The following CAMTA1 variants were observed in gnomAD, a reference collection of about 807,000 sequenced individuals.
CAMTA1 encodes calmodulin binding transcription activator 1, also known as calmodulin-binding transcription activator 1.
In CAMTA1, 27 loss-of-function variants were observed where a neutral mutation model predicts 170.9. That is an observed-to-expected ratio of 0.16 (90% CI 0.12 to 0.22). The LOEUF (loss-of-function observed/expected upper bound fraction) is 0.22, where lower values mean the gene tolerates loss of function less well. Among genes scored for constraint, CAMTA1 ranks in the 10% least tolerant of loss-of-function variants. CAMTA1 has a pLI of 1.00. For missense variants in CAMTA1, 1,619 were observed against 2,217.2 expected (o/e 0.73, Z 5.42); for synonymous variants, 833 against 891.5 (o/e 0.93, Z 1.17).
intron 4 of CAMTA1, among the ~76,000 whole-genome samples, chr1:7,246,403 A>G (rs1327519404): frequency 1.3e-5 from 2 of 152,208 alleles, no homozygotes; most frequent in Non-Finnish European, 2.9e-5. Context: ...ACAGTAAATC[A>G]ACAATAACTG....
chr1:7,731,373 A>G (rs1577254798), intron 11 of CAMTA1, among the ~76,000 whole-genome samples: 1 of 152,038 alleles, frequency 6.6e-6, no homozygotes, highest in African/African-American at 2.4e-5. Flanking sequence ...GGAGTTCAAG[A>G]CCAGCCTGGC....
chr1:6,855,711 T>A (rs1436214891), intron 3 of CAMTA1, among the ~76,000 whole-genome samples: 2 of 152,124 alleles, frequency 1.3e-5, no homozygotes, highest in Non-Finnish European at 2.9e-5. Context: ...TTAATGTGGA[T>A]AATTACTAAT....
chr1:7,668,996 C>T (rs1177412591), intron 9 of CAMTA1, among the ~76,000 whole-genome samples: 2 of 152,184 alleles, frequency 1.3e-5, no homozygotes, highest in African/African-American at 4.8e-5. Flanking sequence ...CAGGCACCCA[C>T]TCCCCCCAAT....
chr1:6,962,037 C>A (rs1347248804), intron 3 of CAMTA1, among the ~76,000 whole-genome samples: 3 of 152,238 alleles, frequency 2.0e-5, no homozygotes, highest in Non-Finnish European at 4.4e-5. Context: ...AGCCTCCGGG[C>A]TGTCCCCAAA....
chr1:7,418,182 G>A (rs1346280862), intron 5 of CAMTA1, among the ~76,000 whole-genome samples: 2 of 151,994 alleles, frequency 1.3e-5, no homozygotes, highest in African/African-American at 4.8e-5. Context: ...TCCTCTTTCT[G>A]CTCTTCAACA....
At chr1:7,354,697 T>C (rs2084963616) in intron 5 of CAMTA1, among the ~76,000 whole-genome samples, 1 of 152,228 alleles carries the variant, frequency 6.6e-6, no homozygotes, top group Non-Finnish European at 1.5e-5. Flanking sequence ...TGTACAAGCA[T>C]TCCCTTTTCT....
intron 6 of CAMTA1, 77 bp downstream of exon 6, chr1:7,467,978 G>A: frequency 8.3e-7 from 1 of 1,202,104 alleles, no homozygotes. Context: ...AGGGCGCGGG[G>A]CTCCGCATGC....
chr1:7,414,199 G>A (rs1248788623), intron 5 of CAMTA1, among the ~76,000 whole-genome samples: 1 of 152,198 alleles, frequency 6.6e-6, no homozygotes, highest in African/African-American at 2.4e-5. Context: ...GTTCATCAAG[G>A]ATATTGGTCT....
intron 22 of CAMTA1, among the ~76,000 whole-genome samples, chr1:7,759,052 G>A (rs1395141110): frequency 3.3e-5 from 5 of 152,108 alleles, no homozygotes; most frequent in Non-Finnish European, 5.9e-5. Context: ...TGGAGGCTGA[G>A]GTGGGAGGAT....
chr1:7,645,507 CGTGTG>C (rs1363871790), intron 7 of CAMTA1, among the ~76,000 whole-genome samples: 1 of 152,260 alleles, frequency 6.6e-6, no homozygotes, highest in Non-Finnish European at 1.5e-5. Context: ...CAGCCCTTCC[CGTGTG>C]GTGATCTTGT....
intron 5 of CAMTA1, among the ~76,000 whole-genome samples, chr1:7,392,910 G>A (rs1362986393): frequency 6.6e-6 from 1 of 151,970 alleles, no homozygotes; most frequent in South Asian, 2.1e-4. Flanking sequence ...TAAGCTGAGT[G>A]TGGTGGTTAG....
intron 6 of CAMTA1, among the ~76,000 whole-genome samples, chr1:7,521,702 C>T (rs886284980): frequency 6.6e-6 from 1 of 152,158 alleles, no homozygotes; most frequent in Non-Finnish European, 1.5e-5. Context: ...GCACACGCCA[C>T]CATGCCCAGC....
At chr1:7,548,036 C>T (rs371638846) in intron 6 of CAMTA1, among the ~76,000 whole-genome samples, 33 of 152,252 alleles carry the variant, frequency 2.2e-4, no homozygotes, top group African/African-American at 5.5e-4. Context: ...ATGCTGGCCC[C>T]GACTTAAGAT....
In CAMTA1 at chr1:7,525,098, A is replaced by C. The variant is rs534463322; in HGVS notation, c.510+57197A>C. Among the ~76,000 whole-genome samples, 13 of 152,298 alleles carry C rather than the reference A, an allele frequency of 8.5e-5. No homozygotes were observed. In the South Asian group the frequency reaches 2.7e-3, roughly 32 times the overall value. On this transcript the variant is annotated intron_variant, in intron 6 of 22. Transcript: ENST00000303635. ...CCCGCGTCGGCCCCCGTCGCGCTGCATGAGACTTGCATCCCCTCTCCAGGG... is the reference window on the plus strand; with the variant it reads ...CCCGCGTCGGCCCCCGTCGCGCTGCCTGAGACTTGCATCCCCTCTCCAGGG...
chr1:6,871,776 C>T (rs527541178), intron 3 of CAMTA1: 55 of 1,534,570 alleles, frequency 3.6e-5, no homozygotes, highest in South Asian at 6.0e-5. Flanking sequence ...TGCAGCCGTC[C>T]TTTTGGATTT....
chr1:7,245,166 T>G (rs1665551115), intron 4 of CAMTA1, among the ~76,000 whole-genome samples: 1 of 147,800 alleles, frequency 6.8e-6, no homozygotes, highest in African/African-American at 2.5e-5. Context: ...TATATTTTAA[T>G]TATTTAGCCA....
intron 4 of CAMTA1, among the ~76,000 whole-genome samples, chr1:7,129,919 TTGTGTGTGTGTGTGTG>T (rs3058550): frequency 1.4e-4 from 20 of 147,040 alleles, no homozygotes; most frequent in Non-Finnish European, 2.8e-4. Flanking sequence ...CTACCTTCTT[TTGTGTGTGTGTGTGTG>T]TGTGTGTGTG....
chr1:7,386,228 A>G (rs1217010899), intron 5 of CAMTA1, among the ~76,000 whole-genome samples: 1 of 152,244 alleles, frequency 6.6e-6, no homozygotes, highest in African/African-American at 2.4e-5. Context: ...TGCTAAAGAC[A>G]TGGTTCGTAG....
Position 7,673,901 on chromosome 1 carries a change from C to T in CAMTA1, c.2779+2864C>T, listed in dbSNP as rs975012301. Among the ~76,000 whole-genome samples the T allele has an allele frequency of 3.3e-5, 5 of 152,180 alleles. No individual in the cohort carries two copies. Among genetic ancestry groups the T allele is most frequent in the East Asian group, 1.9e-4 (1 of 5,186 alleles). On this transcript the variant is annotated intron_variant, in intron 10 of 22. Coordinates refer to ENST00000303635, the MANE Select transcript of CAMTA1 (RefSeq NM_015215.4). This position sits in a 1 kb window ranked among gnomAD's most constrained non-coding sequence, Gnocchi z 4.6. Reference sequence around the variant, plus strand: ...CAAACAATAAGACCCAGCTTCTCACCGGGCCCCTGATCGTAAGGGGCTCTC... The same window carrying T: ...CAAACAATAAGACCCAGCTTCTCACTGGGCCCCTGATCGTAAGGGGCTCTC...
Sources: gnomAD v4.1 joint callset for allele counts (sites outside exome capture counted in the v4.1 genomes callset) on GRCh38, gnomAD v4.1.1 for gene constraint, Gnocchi (gnomAD v3.1) non-coding constraint, MANE v1.5 for transcripts, NCBI Gene and HGNC (gene_info 2026-07-23, HGNC 2026-07-21) for gene names.